SHPK: variants seen among roughly 807,000 people sequenced by gnomAD.
The protein encoded by SHPK is carbohydrate kinase-like protein.
A neutral mutation model predicts 46.3 loss-of-function variants in SHPK; 51 were observed. The ratio of observed to expected loss-of-function variants is 1.10; its 90% CI spans 0.88 to 1.39. The LOEUF is 1.39. Ranked by LOEUF, SHPK falls within the 40% of genes most tolerant of loss-of-function variation. SHPK has a pLI of 0.00. For synonymous variants in SHPK, 290 were observed against 273.9 expected (o/e 1.06, Z -0.58); for missense variants, 668 against 641.3 (o/e 1.04, Z -0.45).
At chr17:3,625,788 C>T (rs1371745972) in intron 2 of SHPK, among the ~76,000 whole-genome samples, 2 of 152,196 alleles carry the variant, frequency 1.3e-5, no homozygotes, top group Admixed American at 6.5e-5. Context: ...CACGGTGGCT[C>T]ACGCCTATAA....
At chr17:3,611,814 T>G (rs1203155994) in intron 6 of SHPK, among the ~76,000 whole-genome samples, 1 of 147,712 alleles carries the variant, frequency 6.8e-6, no homozygotes, top group Non-Finnish European at 1.5e-5. Context: ...TTTTTTTTTT[T>G]TTTTTTTCTG....
At chr17:3,631,511 G>GTTTT (rs2075471589) in intron 1 of SHPK, among the ~76,000 whole-genome samples, 2 of 38,272 alleles carry the variant, frequency 5.2e-5, no homozygotes, top group East Asian at 6.3e-3. Context: ...CTAATTTAAT[G>GTTTT]CTTTTTTTTT....
intron 6 of SHPK, among the ~76,000 whole-genome samples, chr17:3,611,569 A>AAAAC (rs201918253): frequency 3.9e-5 from 6 of 152,162 alleles, no homozygotes; most frequent in East Asian, 1.9e-4. Context: ...GACTCCATCT[A>AAAAC]AAACAAACAA....
At chr17:3,625,778 C>T (rs1208079349) in intron 2 of SHPK, among the ~76,000 whole-genome samples, 3 of 152,300 alleles carry the variant, frequency 2.0e-5, no homozygotes, top group African/African-American at 4.8e-5. Flanking sequence ...CCTGGTCAGG[C>T]ACGGTGGCTC....
Position 3,626,885 on chromosome 17 carries a change from G to A in SHPK, c.311-2654C>T, listed in dbSNP as rs1409095723. ...ACTCCAGCCTGGGTGACAAGAGCAA[G>A]ACTCCATCTCAAAAAAAATAAAAAA... On this transcript the variant is annotated intron_variant, in intron 2 of 6. Coordinates refer to ENST00000225519, the MANE Select transcript of SHPK (RefSeq NM_013276.4). Among the ~76,000 whole-genome samples, 3 of 150,332 alleles carry A rather than the reference G, an allele frequency of 2.0e-5. No individual in the cohort carries two copies. In the East Asian group the frequency reaches 5.8e-4, roughly 29 times the overall value.
intron 5 of SHPK, among the ~76,000 whole-genome samples, chr17:3,620,285 G>C (rs2075392251): frequency 6.6e-6 from 1 of 150,816 alleles, no homozygotes; most frequent in Admixed American, 6.6e-5. Flanking sequence ...TTTTGAGACA[G>C]AGTCTTGCTC....
intron 1 of SHPK, among the ~76,000 whole-genome samples, chr17:3,631,898 CTTGT>C (rs2075474807): frequency 1.3e-5 from 2 of 152,024 alleles, no homozygotes; most frequent in African/African-American, 4.8e-5. Flanking sequence ...ATTAATTTCA[CTTGT>C]TTATTTTAAT....
intron 2 of SHPK, among the ~76,000 whole-genome samples, chr17:3,627,139 TTC>T (rs1174408339): frequency 2.6e-5 from 4 of 152,248 alleles, no homozygotes; most frequent in Non-Finnish European, 2.9e-5. Context: ...GAGCTGCTTG[TTC>T]TCTCTTAGTT....
At chr17:3,619,423 C>T in intron 5 of SHPK, 1 of 1,546,036 alleles carries the variant, frequency 6.5e-7, no homozygotes, top group Non-Finnish European at 8.9e-7. Context: ...GACATAAAGC[C>T]AAATGCCTGA....
At chr17:3,621,633 CTTCCTTCT>C (rs1306025338) in intron 4 of SHPK, among the ~76,000 whole-genome samples, 12 of 138,540 alleles carry the variant, frequency 8.7e-5, no homozygotes, top group Non-Finnish European at 1.4e-4. Context: ...TCCTTCCTTC[CTTCCTTCT>C]TTCTTTCTTT....
At chr17:3,617,494 A>G (rs768891918) in intron 5 of SHPK, among the ~76,000 whole-genome samples, 1 of 152,218 alleles carries the variant, frequency 6.6e-6, no homozygotes, top group Non-Finnish European at 1.5e-5. Flanking sequence ...GGGTTTAGTA[A>G]AAGACCTCCA....
chr17:3,611,704 A>G (rs531237479), intron 6 of SHPK, among the ~76,000 whole-genome samples: 1 of 152,254 alleles, frequency 6.6e-6, no homozygotes, highest in Admixed American at 6.5e-5. Context: ...AATCCAAGGA[A>G]GAAGGATGAG....
intron 5 of SHPK, chr17:3,619,930 C>T (rs1247110347): frequency 4.9e-6 from 1 of 203,560 alleles, no homozygotes; most frequent in South Asian, 8.0e-5. Context: ...TATCGTCCCA[C>T]GTTCTCACGT....
rs1234699023 is a variant in SHPK, at chr17:3,609,112, C to T, written c.*1448G>A. 1 of 152,168 alleles carries T rather than the reference C, an allele frequency of 6.6e-6. No individual in the cohort carries two copies. The allele number at this position is 152,168 out of a possible 1,614,324, so 9.4% of individuals were successfully genotyped here. A position where few individuals can be genotyped will look rare whatever the true frequency, so the allele number is the denominator to read the frequency against. On this transcript the variant is annotated 3_prime_UTR_variant, in exon 7 of 7. Coordinates refer to ENST00000225519, the MANE Select transcript of SHPK (RefSeq NM_013276.4). The stretch of plus-strand genomic sequence containing the variant: ...TGTTGGTCAGGCTGGTCTTGAACTC[C>T]TGACCTCAGGTGATTCACCCACTTG...
intron 2 of SHPK, among the ~76,000 whole-genome samples, chr17:3,626,532 A>G (rs2075438430): frequency 6.6e-6 from 1 of 151,990 alleles, no homozygotes; most frequent in African/African-American, 2.4e-5. Context: ...CCTGGCCAAC[A>G]TGGTGAAACC....
intron 6 of SHPK, among the ~76,000 whole-genome samples, chr17:3,613,572 T>C (rs141988421): frequency 0.014 from 2,122 of 152,206 alleles, 42 homozygotes; most frequent in East Asian, 0.07. Context: ...TTTCACTATA[T>C]TGGCCAGGCT....
At chr17:3,613,377 A>T (rs1313926158) in intron 6 of SHPK, among the ~76,000 whole-genome samples, 2 of 152,190 alleles carry the variant, frequency 1.3e-5, no homozygotes, top group Non-Finnish European at 2.9e-5. Flanking sequence ...AGAGTCACTG[A>T]GGAGTCACGC....
At chr17:3,611,016 T>G (rs759113458) in intron 6 of SHPK, 44 bp from the exon 7 acceptor site, 1 of 1,536,308 alleles carries the variant, frequency 6.5e-7, no homozygotes. Context: ...TGCGTCCCCC[T>G]CAGTGCAGGC....
At chr17:3,618,344 A>G (rs1372166478) in intron 5 of SHPK, among the ~76,000 whole-genome samples, 4 of 151,838 alleles carry the variant, frequency 2.6e-5, no homozygotes, top group Admixed American at 2.6e-4. Context: ...TGACCTCATG[A>G]TCCACCCACC....
Sources: allele counts gnomAD v4.1 joint callset (sites outside exome capture counted in the v4.1 genomes callset), GRCh38; gene constraint gnomAD v4.1.1; transcripts MANE v1.5; gene names NCBI Gene and HGNC (gene_info 2026-07-23, HGNC 2026-07-21).